The following ARHGAP15 variants were observed in gnomAD, a reference collection of about 807,000 sequenced individuals.
ARHGAP15 encodes Rho GTPase activating protein 15.
In ARHGAP15, 51 loss-of-function variants were observed where a neutral mutation model predicts 63.7. The ratio of observed to expected loss-of-function variants is 0.80; its 90% CI spans 0.64 to 1.01. The LOEUF is 1.01. ARHGAP15 is among the 50% of genes least tolerant of loss of function. The probability of loss-of-function intolerance (pLI) is 0.00; values close to 1 mark genes in which losing one functional copy is unlikely to be tolerated. For synonymous variants in ARHGAP15, 191 were observed against 193.8 expected (o/e 0.99, Z 0.12); for missense variants, 560 against 564.6 (o/e 0.99, Z 0.08).
intron 8 of ARHGAP15, among the ~76,000 whole-genome samples, chr2:143,476,313 T>A (rs1691813036): frequency 6.6e-6 from 1 of 152,200 alleles, no homozygotes; most frequent in Non-Finnish European, 1.5e-5. Flanking sequence ...TTCTTCCTAC[T>A]CATGGGGGTA....
chr2:143,263,147 C>A (rs992635389), intron 6 of ARHGAP15, among the ~76,000 whole-genome samples: 1 of 152,106 alleles, frequency 6.6e-6, no homozygotes. Flanking sequence ...ATTATTAGAT[C>A]AGGTTGATTT....
intron 6 of ARHGAP15, among the ~76,000 whole-genome samples, chr2:143,401,719 A>C (rs952072564): frequency 6.6e-6 from 1 of 151,866 alleles, no homozygotes; most frequent in Non-Finnish European, 1.5e-5. Context: ...TACTTATACC[A>C]TCCTCGTTTT....
intron 6 of ARHGAP15, among the ~76,000 whole-genome samples, chr2:143,324,702 T>G (rs1034131800): frequency 3.3e-5 from 5 of 152,186 alleles, no homozygotes; most frequent in Non-Finnish European, 7.4e-5. Flanking sequence ...AATTTAGCAT[T>G]TCATCAAAGT....
chr2:143,256,533 C>G (rs551596708), intron 6 of ARHGAP15, among the ~76,000 whole-genome samples: 1 of 152,168 alleles, frequency 6.6e-6, no homozygotes, highest in African/African-American at 2.4e-5. Flanking sequence ...CTTGAAAGCC[C>G]TACCAAGCTG....
intron 13 of ARHGAP15, among the ~76,000 whole-genome samples, chr2:143,759,683 A>G (rs1247437348): frequency 6.6e-6 from 1 of 151,906 alleles, no homozygotes; most frequent in Non-Finnish European, 1.5e-5. Context: ...TGTACCTACC[A>G]TTCCCCGCCC....
chr2:143,244,656 G>A (rs1693980192), intron 5 of ARHGAP15, among the ~76,000 whole-genome samples: 1 of 152,142 alleles, frequency 6.6e-6, no homozygotes, highest in Non-Finnish European at 1.5e-5. Flanking sequence ...ACAGAAAGGA[G>A]CTCGTATACC....
At chr2:143,301,252 C>T (rs1682881989) in intron 6 of ARHGAP15, among the ~76,000 whole-genome samples, 1 of 151,874 alleles carries the variant, frequency 6.6e-6, no homozygotes, top group African/African-American at 2.4e-5. Flanking sequence ...GAGAGCTGTT[C>T]AATGTCTCTA....
chr2:143,414,387 A>G (rs1038121929), intron 6 of ARHGAP15, among the ~76,000 whole-genome samples: 2 of 152,040 alleles, frequency 1.3e-5, no homozygotes, highest in African/African-American at 4.8e-5. Flanking sequence ...ACAAGTAAGA[A>G]ATGTCTTACA....
chr2:143,332,264 A>G (rs1036474113), intron 6 of ARHGAP15, among the ~76,000 whole-genome samples: 5 of 152,176 alleles, frequency 3.3e-5, no homozygotes, highest in Non-Finnish European at 5.9e-5. Flanking sequence ...ATATCACATT[A>G]TTGCCTACCC....
intron 6 of ARHGAP15, among the ~76,000 whole-genome samples, chr2:143,369,766 A>T (rs571764381): frequency 6.6e-6 from 1 of 152,168 alleles, no homozygotes; most frequent in Non-Finnish European, 1.5e-5. Context: ...AGAATATTTT[A>T]TGTAATACAA....
chr2:143,144,153 C>T (rs1428310840), intron 1 of ARHGAP15, among the ~76,000 whole-genome samples: 1 of 151,884 alleles, frequency 6.6e-6, no homozygotes, highest in Non-Finnish European at 1.5e-5. Context: ...ATTTTCTTAT[C>T]CAGTCTATTG....
intron 8 of ARHGAP15, among the ~76,000 whole-genome samples, chr2:143,471,389 C>T (rs1691568810): frequency 6.6e-6 from 1 of 151,526 alleles, no homozygotes; most frequent in Admixed American, 6.6e-5. Context: ...CTCTACAAAA[C>T]TAAGTAATTA....
At chr2:143,330,750 G>A (rs1333559803) in intron 6 of ARHGAP15, among the ~76,000 whole-genome samples, 1 of 152,134 alleles carries the variant, frequency 6.6e-6, no homozygotes, top group African/African-American at 2.4e-5. Flanking sequence ...ATATACACAG[G>A]ATGAGTTGTA....
At chr2:143,180,359 A>T (rs965680221) in intron 2 of ARHGAP15, among the ~76,000 whole-genome samples, 2 of 152,164 alleles carry the variant, frequency 1.3e-5, no homozygotes, top group African/African-American at 4.8e-5. Context: ...AAATTTTATC[A>T]TGAGATTGCA....
At chr2:143,719,880 C>G (rs1203611706) in intron 13 of ARHGAP15, among the ~76,000 whole-genome samples, 1 of 152,184 alleles carries the variant, frequency 6.6e-6, no homozygotes, top group African/African-American at 2.4e-5. Context: ...GAAATGTACC[C>G]TTCATCTTGG....
At chr2:143,654,214 T>C (rs1681316662) in intron 12 of ARHGAP15, among the ~76,000 whole-genome samples, 1 of 152,096 alleles carries the variant, frequency 6.6e-6, no homozygotes, top group Admixed American at 6.5e-5. Flanking sequence ...TTTGGAAGAT[T>C]TGTTGGAGTG....
rs962556804 is a variant in ARHGAP15, at chr2:143,340,533, T to C, written c.474+89933T>C. Among the ~76,000 whole-genome samples, 163 of 151,942 alleles carry C rather than the reference T, an allele frequency of 1.1e-3. 1 individual carries two copies. Among genetic ancestry groups the C allele is most frequent in the Middle Eastern group, 3.4e-3 (1 of 294 alleles). On this transcript the variant is annotated intron_variant, in intron 6 of 13. Transcript: ENST00000295095. ...TTAATGGCAGATTTTTTCTCTTTTT[T>C]TTTTTAATAAATTTTAAAAGAAAAC...
intron 6 of ARHGAP15, among the ~76,000 whole-genome samples, chr2:143,279,708 G>A (rs1417076525): frequency 1.3e-5 from 2 of 152,096 alleles, no homozygotes; most frequent in East Asian, 1.9e-4. Context: ...ACTTTACAGA[G>A]CTTTGAGTAT....
At chr2:143,654,893 T>G (rs1681355775) in intron 12 of ARHGAP15, among the ~76,000 whole-genome samples, 1 of 151,274 alleles carries the variant, frequency 6.6e-6, no homozygotes. Context: ...GGACCAGGAG[T>G]TTAAGATTAG....
Sources: gnomAD v4.1 joint callset for allele counts (sites outside exome capture counted in the v4.1 genomes callset) on GRCh38, gnomAD v4.1.1 for gene constraint, MANE v1.5 for transcripts, NCBI Gene and HGNC (gene_info 2026-07-23, HGNC 2026-07-21) for gene names.